Variants in TMEM63C observed in about 807,000 individuals in gnomAD.
The protein encoded by TMEM63C is transmembrane protein 63C.
In TMEM63C, 32 loss-of-function variants were observed where a neutral mutation model predicts 99.2. The ratio of observed to expected loss-of-function variants is 0.32; its 90% CI spans 0.24 to 0.43. The LOEUF (loss-of-function observed/expected upper bound fraction) is 0.43. Ranked by LOEUF, TMEM63C falls within the 20% of genes least tolerant of loss-of-function variation. TMEM63C has a pLI of 1.00. For missense variants in TMEM63C, 826 were observed against 1,053.0 expected (o/e 0.78, Z 2.98); for synonymous variants, 376 against 397.9 (o/e 0.94, Z 0.66).
intron 1 of TMEM63C, among the ~76,000 whole-genome samples, chr14:77,182,196 G>C (rs1887925822): frequency 6.6e-6 from 1 of 152,028 alleles, no homozygotes; most frequent in Non-Finnish European, 1.5e-5. Context: ...GGTTTGCTTG[G>C]GGGGTCCCCG....
Position 77,256,911 on chromosome 14 carries a change from T to G in TMEM63C, c.*185T>G, listed in dbSNP as rs1163618671. 14 of 616,010 alleles carry G rather than the reference T, an allele frequency of 2.3e-5. No individual in the cohort carries two copies. Among genetic ancestry groups the G allele is most frequent in the Non-Finnish European group, 4.0e-5 (14 of 353,900 alleles). 38.2% of individuals were successfully genotyped at this position (616,010 alleles called of 1,614,324 possible). On this transcript the variant is annotated 3_prime_UTR_variant, in exon 24 of 24. Transcript: ENST00000298351. ...TCCTGACCTGCTGCCCGGCTGGAAC[T>G]GGGGGTGCTCGGCAGTGCTGAAGGA...
chr14:77,240,931 CTTTTTTTTTTTTTTTCTTTTTTTT>C (rs200114131), intron 13 of TMEM63C, among the ~76,000 whole-genome samples: 2 of 128,482 alleles, frequency 1.6e-5, no homozygotes, highest in Non-Finnish European at 3.2e-5. Flanking sequence ...TTCCCTTTTT[CTTTTTTTTTTTTTTTCTTTTTTTT>C]TTTTTTTCTT....
intron 13 of TMEM63C, 43 bp from the exon 14 acceptor site, chr14:77,242,304 C>G (rs756856651): frequency 2.5e-6 from 4 of 1,590,444 alleles, no homozygotes; most frequent in Non-Finnish European, 2.6e-6. Flanking sequence ...CCCATCCCCC[C>G]ACCCCCAGAC....
intron 1 of TMEM63C, among the ~76,000 whole-genome samples, chr14:77,205,679 G>A (rs1446705747): frequency 6.6e-6 from 1 of 152,184 alleles, no homozygotes; most frequent in Non-Finnish European, 1.5e-5. Flanking sequence ...TGGGCAAGGG[G>A]CCTTCCATCG....
intron 1 of TMEM63C, among the ~76,000 whole-genome samples, chr14:77,200,769 CCT>C (rs1219605508): frequency 3.3e-5 from 5 of 152,184 alleles, no homozygotes; most frequent in Non-Finnish European, 7.4e-5. Context: ...AATGTTCTGC[CCT>C]GTCCTCCACA....
intron 1 of TMEM63C, among the ~76,000 whole-genome samples, chr14:77,194,376 GTGTGTGTA>G (rs767770849): frequency 0.016 from 1,979 of 125,804 alleles, 28 homozygotes; most frequent in Middle Eastern, 0.026. Context: ...GTGTGTGTGT[GTGTGTGTA>G]TGTTCATATT....
intron 1 of TMEM63C, among the ~76,000 whole-genome samples, chr14:77,190,168 G>A (rs1244610492): frequency 6.6e-6 from 1 of 152,050 alleles, no homozygotes; most frequent in Admixed American, 6.5e-5. Flanking sequence ...TGTAAATCCA[G>A]TTGAAAACTA....
chr14:77,236,541 A>T (rs1412887959), intron 8 of TMEM63C, 83 bp from the exon 9 acceptor site: 6 of 942,984 alleles, frequency 6.4e-6, no homozygotes, highest in Non-Finnish European at 1.0e-5. Flanking sequence ...GACTGAGGGT[A>T]GGAGGAGGCC....
intron 1 of TMEM63C, among the ~76,000 whole-genome samples, chr14:77,199,031 T>C (rs768754658): frequency 3.9e-5 from 6 of 152,222 alleles, no homozygotes; most frequent in Non-Finnish European, 7.4e-5. Context: ...ATGAACAGCA[T>C]ATTATGGATG....
At chr14:77,226,821 G>A (rs1208953675) in intron 6 of TMEM63C, among the ~76,000 whole-genome samples, 1 of 148,644 alleles carries the variant, frequency 6.7e-6, no homozygotes, top group Non-Finnish European at 1.5e-5. Flanking sequence ...AGGGTGATGT[G>A]CAGTGGCACA....
At chr14:77,207,401 G>A (rs969809358) in intron 1 of TMEM63C, among the ~76,000 whole-genome samples, 1 of 152,208 alleles carries the variant, frequency 6.6e-6, no homozygotes, top group African/African-American at 2.4e-5. Context: ...AATAGAAGCT[G>A]CCTGGTCCTT....
At chr14:77,204,677 T>G (rs568560783) in intron 1 of TMEM63C, among the ~76,000 whole-genome samples, 45 of 152,350 alleles carry the variant, frequency 3.0e-4, no homozygotes, top group African/African-American at 9.4e-4. Context: ...CAACATCGAA[T>G]GTACTAGGTA....
intron 1 of TMEM63C, among the ~76,000 whole-genome samples, chr14:77,184,350 G>T (rs1311407322): frequency 6.6e-6 from 1 of 152,068 alleles, no homozygotes; most frequent in Non-Finnish European, 1.5e-5. Context: ...ATATTTAACA[G>T]GATGTTCACC....
chr14:77,249,928 G>A (rs530656270), intron 21 of TMEM63C, among the ~76,000 whole-genome samples: 3 of 152,268 alleles, frequency 2.0e-5, no homozygotes, highest in South Asian at 4.1e-4. Context: ...TTGACCTCCT[G>A]GTCTCAAGCA....
chr14:77,248,299 C>G (rs764107585), intron 18 of TMEM63C, 48 bp from the exon 19 acceptor site: 1 of 1,535,352 alleles, frequency 6.5e-7, no homozygotes, highest in Non-Finnish European at 8.8e-7. Flanking sequence ...ACATCTCTCC[C>G]TCTCCCTGTG....
rs777200529 is a variant in TMEM63C, at chr14:77,248,853, C to T, written c.1851C>T (p.Cys617=). ...FSVVMAYSIT[C]PIIVPFGLLY... is the part of the protein sequence containing the mutation. The stretch of plus-strand genomic sequence containing the variant: ...TGGTGATGGCGTACAGCATCACTTG[C>T]CCCATCATTGTGCCTTTTGGTGAGT... The change falls in exon 20 of 24, where the codon TGC becomes TGT. Residue 617 remains cysteine (C), a synonymous_variant. Coordinates refer to ENST00000298351, the MANE Select transcript of TMEM63C (RefSeq NM_020431.4). 1.2e-6 allele frequency: 2 copies of T among 1,613,816 alleles called. No homozygotes were observed. The highest frequency in any genetic ancestry group is 2.7e-5 in the African/African-American group (2 of 74,940).
rs1287323529 is a variant in TMEM63C at position 77,231,417 on chromosome 14, G to C, written c.351-171G>C. Among the ~76,000 whole-genome samples the C allele has an allele frequency of 2.0e-5, 3 of 151,574 alleles. No individual in the cohort carries two copies. In the East Asian group the frequency reaches 5.9e-4, roughly 30 times the overall value. Reference sequence around the variant, plus strand: ...ATACTTCAAGGATAACCGAGGCTTTGAGATATAGGGCAATTTCGAAGTTGC... The same window carrying C: ...ATACTTCAAGGATAACCGAGGCTTTCAGATATAGGGCAATTTCGAAGTTGC... On this transcript the variant is annotated intron_variant, in intron 6 of 23. Coordinates refer to ENST00000298351, the MANE Select transcript of TMEM63C (RefSeq NM_020431.4).
intron 9 of TMEM63C, 89 bp downstream of exon 9, chr14:77,236,821 C>T: frequency 1.1e-6 from 1 of 882,320 alleles, no homozygotes; most frequent in Non-Finnish European, 1.9e-6. Context: ...GAGAAGCCCT[C>T]AGAGGGTCCA....
chr14:77,256,697 G>C lies in TMEM63C; in HGVS notation c.2392G>C (p.Glu798Gln). 1 of 1,613,952 alleles carries C rather than the reference G, an allele frequency of 6.2e-7. No individual in the cohort carries two copies. Among genetic ancestry groups the C allele is most frequent in the Non-Finnish European group, 8.5e-7 (1 of 1,179,866 alleles). ...CTCGGCCCAGTTCCAGGAAGGGCTG[G>C]AACTGGAGGGCCAGAACCAGTACCA... is the stretch of plus-strand genomic sequence containing the variant. ...LDSAQFQEGL[E>Q]LEGQNQYH Residue 798 changes from glutamate (E) to glutamine (Q), a missense_variant, in exon 24 of 24, where the codon GAA becomes CAA. Coordinates refer to ENST00000298351, the MANE Select transcript of TMEM63C (RefSeq NM_020431.4).
Sources: allele counts gnomAD v4.1 joint callset (sites outside exome capture counted in the v4.1 genomes callset), GRCh38; gene constraint gnomAD v4.1.1; transcripts MANE v1.5; gene names NCBI Gene and HGNC (gene_info 2026-07-23, HGNC 2026-07-21).